Variants in C5orf63 observed in about 807,000 individuals in gnomAD.
C5orf63 encodes glutaredoxin-like protein C5orf63.
A neutral mutation model predicts 13.3 loss-of-function variants in C5orf63; 18 were observed. The observed-to-expected ratio is 1.36, with a 90% CI of 0.94 to 2.01. C5orf63 has a LOEUF of 2.01. Among genes scored for constraint, C5orf63 ranks in the 30% most tolerant of loss-of-function variants. The pLI is 0.00. For synonymous variants in C5orf63, 38 were observed against 44.7 expected (o/e 0.85, Z 0.60); for missense variants, 118 against 127.7 (o/e 0.92, Z 0.36).
chr5:127,052,048 CT>C, intron 4 of C5orf63, 101 bp from the exon 5 acceptor site: 1 of 986,778 alleles, frequency 1.0e-6, no homozygotes, highest in South Asian at 2.4e-5. Flanking sequence ...TGCCATTTTC[CT>C]TATAGTTGTT....
At chr5:127,046,752 G>C (rs1753529432), downstream of C5orf63, 1 of 152,210 alleles carries the variant, frequency 6.6e-6, no homozygotes, top group Non-Finnish European at 1.5e-5. Flanking sequence ...TTCCTTTTAG[G>C]ATTTCAGAAT....
At chr5:127,058,213 C>T (rs1180942984) in intron 3 of C5orf63, among the ~76,000 whole-genome samples, 2 of 151,928 alleles carry the variant, frequency 1.3e-5, no homozygotes, top group Non-Finnish European at 2.9e-5. Flanking sequence ...TCAATTAGGC[C>T]CTGGTGTCTA....
At chr5:127,048,246 GACACACACACACAC>G (rs71822352), downstream of C5orf63, among the ~76,000 whole-genome samples, 149 of 134,776 alleles carry the variant, frequency 1.1e-3, no homozygotes, top group African/African-American at 3.6e-3. Flanking sequence ...GGTCCATGAG[GACACACACACACAC>G]ACACACACAC....
At chr5:127,059,846 A>T (rs1045702928) in intron 2 of C5orf63, among the ~76,000 whole-genome samples, 7 of 151,988 alleles carry the variant, frequency 4.6e-5, no homozygotes, top group Non-Finnish European at 8.8e-5. Flanking sequence ...ACTGTGAGAC[A>T]TAAGAAAACA....
chr5:127,052,317 A>C (rs1222554997), intron 4 of C5orf63: 4 of 336,978 alleles, frequency 1.2e-5, no homozygotes, highest in Non-Finnish European at 2.1e-5. Context: ...TGCAAACTGC[A>C]AAACAAGATA....
At chr5:127,048,054 A>G, downstream of C5orf63, 1 of 564,150 alleles carries the variant, frequency 1.8e-6, no homozygotes, top group Middle Eastern at 4.5e-4. Flanking sequence ...TTATTGGGAG[A>G]CTGTACCAAT....
intron 2 of C5orf63, among the ~76,000 whole-genome samples, chr5:127,069,155 C>T (rs1738541480): frequency 6.6e-6 from 1 of 152,082 alleles, no homozygotes. Flanking sequence ...GTTTAAAAAC[C>T]AATTTGAAAA....
chr5:127,056,820 T>C (rs1753905278), intron 3 of C5orf63, among the ~76,000 whole-genome samples: 3 of 152,352 alleles, frequency 2.0e-5, no homozygotes, highest in Middle Eastern at 3.4e-3. Flanking sequence ...TGGGAAGTAC[T>C]TTCTATTTTT....
chr5:127,046,072 C>T (rs921293910), exon 5 of C5orf63: 1 of 152,238 alleles, frequency 6.6e-6, no homozygotes, highest in Non-Finnish European at 1.5e-5. Context: ...ACATTTCCAA[C>T]CATACTCAGT....
At chr5:127,043,447 G>A (rs1580519100), downstream of C5orf63, 1 of 152,230 alleles carries the variant, frequency 6.6e-6, no homozygotes, top group Admixed American at 6.5e-5. Context: ...CACAGAGCAG[G>A]ATCATTGCCA....
chr5:127,068,812 C>T (rs1270938708), intron 2 of C5orf63, among the ~76,000 whole-genome samples: 1 of 152,158 alleles, frequency 6.6e-6, no homozygotes, highest in African/African-American at 2.4e-5. Flanking sequence ...AGTTTCCAAA[C>T]ACTCAGCTAA....
chr5:127,050,555 T>C (rs1753639253), downstream of C5orf63, among the ~76,000 whole-genome samples: 1 of 152,170 alleles, frequency 6.6e-6, no homozygotes. Context: ...AGGAGCCCCC[T>C]GCAATGAGTC....
intron 2 of C5orf63, among the ~76,000 whole-genome samples, chr5:127,063,960 G>A (rs891467555): frequency 1.3e-5 from 2 of 152,176 alleles, no homozygotes; most frequent in African/African-American, 4.8e-5. Context: ...TTTATGTAAT[G>A]AGGTGAGGTT....
downstream of C5orf63, among the ~76,000 whole-genome samples, chr5:127,048,197 G>A (rs1363286809): frequency 1.3e-5 from 2 of 151,170 alleles, no homozygotes; most frequent in Non-Finnish European, 1.5e-5. Context: ...CAACGAAGGT[G>A]CCCTCATACC....
At chr5:127,043,472 G>C (rs183161292), downstream of C5orf63, 1 of 152,282 alleles carries the variant, frequency 6.6e-6, no homozygotes, top group Admixed American at 6.5e-5. Flanking sequence ...CAGGAGTCTT[G>C]CTAGTTTGCA....
downstream of C5orf63, among the ~76,000 whole-genome samples, chr5:127,051,069 A>G (rs1467913278): frequency 4.6e-5 from 7 of 152,348 alleles, 1 homozygote; most frequent in South Asian, 1.0e-3. Flanking sequence ...AATTAACTCA[A>G]TTGATGGTAA....
At chr5:127,071,207 C>G (rs917019844) in intron 2 of C5orf63, among the ~76,000 whole-genome samples, 5 of 152,112 alleles carry the variant, frequency 3.3e-5, no homozygotes, top group African/African-American at 9.7e-5. Flanking sequence ...AAACAAATAA[C>G]ACAATACCAC....
intron 3 of C5orf63, among the ~76,000 whole-genome samples, chr5:127,057,180 A>T (rs1441316451): frequency 1.3e-5 from 2 of 152,218 alleles, no homozygotes; most frequent in Admixed American, 6.5e-5. Context: ...CAACAGTGCA[A>T]TATATACTTA....
downstream of C5orf63, chr5:127,043,238 A>G (rs1453754954): frequency 6.6e-6 from 1 of 152,208 alleles, no homozygotes; most frequent in Non-Finnish European, 1.5e-5. Flanking sequence ...TTATTTGGTG[A>G]GGTAAGAATG....
Sources: allele counts gnomAD v4.1 joint callset (sites outside exome capture counted in the v4.1 genomes callset), GRCh38; gene constraint gnomAD v4.1.1; transcripts MANE v1.5; gene names NCBI Gene and HGNC (gene_info 2026-07-23, HGNC 2026-07-21).